Variants in G3BP1 observed in about 807,000 individuals in gnomAD.
G3BP1 encodes G3BP stress granule assembly factor 1, also known as ras GTPase-activating protein-binding protein 1.
A neutral mutation model predicts 58.6 loss-of-function variants in G3BP1; 35 were observed. The ratio of observed to expected loss-of-function variants is 0.60; its 90% confidence interval spans 0.46 to 0.79. The LOEUF (loss-of-function observed/expected upper bound fraction) is 0.79. Ranked by LOEUF, G3BP1 falls within the 30% of genes least tolerant of loss-of-function variation. The pLI is 0.00. For missense variants in G3BP1, 523 were observed against 580.8 expected (o/e 0.90, Z 1.02); for synonymous variants, 191 against 195.4 (o/e 0.98, Z 0.19).
At chr5:151,781,883 A>T (rs369192828) in intron 1 of G3BP1, among the ~76,000 whole-genome samples, 23 of 152,300 alleles carry the variant, frequency 1.5e-4, no homozygotes, top group African/African-American at 5.3e-4. Flanking sequence ...GAGTCAAGTT[A>T]TACACAGATT....
rs1019404717 is a variant in G3BP1, at chr5:151,811,674, C to T, written c.*7583C>T. The T allele has an allele frequency of 1.3e-5, 2 of 150,662 alleles. No individual in the cohort carries two copies. The highest frequency in any genetic ancestry group is 4.9e-5 in the African/African-American group (2 of 40,972). The allele number at this position is 150,662 out of a possible 1,614,324, so 9.3% of individuals were successfully genotyped here. ...AAAATAACTGCCATAACTTTTGTGA[C>T]TTCATGCAAAAAAAGGGGGGAAGAG... On this transcript the variant is annotated 3_prime_UTR_variant, in exon 12 of 12. Transcript: ENST00000356245.
intron 1 of G3BP1, among the ~76,000 whole-genome samples, chr5:151,777,780 C>T (rs1214243690): frequency 1.3e-5 from 2 of 152,150 alleles, no homozygotes; most frequent in African/African-American, 4.8e-5. Context: ...TGAACCTATC[C>T]ATTACCCCCA....
chr5:151,785,733 G>T (rs568005602), intron 1 of G3BP1, among the ~76,000 whole-genome samples: 11 of 152,226 alleles, frequency 7.2e-5, no homozygotes, highest in South Asian at 2.1e-4. Context: ...CATCTTGTTT[G>T]TTAACTTCCC....
In G3BP1 at chr5:151,809,485, T is replaced by G. The variant is rs1022673208; in HGVS notation, c.*5394T>G. On this transcript the variant is annotated 3_prime_UTR_variant, in exon 12 of 12. Coordinates refer to ENST00000356245, the MANE Select transcript of G3BP1 (RefSeq NM_005754.3). ...CTGATAGCATAGGGATCATTTGTGA[T>G]TTATATAGAAAATAATTATATTTTT... 1.3e-5 allele frequency: 2 copies of G among 152,218 alleles called. No homozygotes were observed. Among genetic ancestry groups the G allele is most frequent in the African/African-American group, 4.8e-5 (2 of 41,450 alleles). 9.4% of individuals were successfully genotyped at this position (152,218 alleles called of 1,614,324 possible).
chr5:151,800,146 T>C, intron 9 of G3BP1, 72 bp from the exon 10 acceptor site: 1 of 1,447,706 alleles, frequency 6.9e-7, no homozygotes, highest in Non-Finnish European at 9.6e-7. Context: ...GGGAAAACTA[T>C]TGAATGTGAG....
chr5:151,797,702 A>G (rs1581581736), intron 7 of G3BP1, among the ~76,000 whole-genome samples: 1 of 152,238 alleles, frequency 6.6e-6, no homozygotes, highest in East Asian at 1.9e-4. Context: ...GCACCCTATC[A>G]GTGATTCCTT....
At chr5:151,780,017 T>C (rs1025776897) in intron 1 of G3BP1, among the ~76,000 whole-genome samples, 20 of 152,226 alleles carry the variant, frequency 1.3e-4, no homozygotes, top group Non-Finnish European at 2.1e-4. Flanking sequence ...TATTAGATAG[T>C]GCAAAATTGT....
intron 1 of G3BP1, among the ~76,000 whole-genome samples, chr5:151,779,506 G>T (rs1762430908): frequency 6.6e-6 from 1 of 152,140 alleles, no homozygotes; most frequent in African/African-American, 2.4e-5. Flanking sequence ...CTGTTTCATG[G>T]ATCCATTTGT....
At position 151,812,481 on chromosome 5, in the gene G3BP1, G is replaced by A. The variant is rs1238261299; in HGVS notation, c.*8390G>A. The A allele has an allele frequency of 6.6e-6, 1 of 152,200 alleles. No individual in the cohort carries two copies. Among genetic ancestry groups the A allele is most frequent in the Non-Finnish European group, 1.5e-5 (1 of 68,040 alleles). The allele number at this position is 152,200 out of a possible 1,614,324, so 9.4% of individuals were successfully genotyped here. On this transcript the variant is annotated 3_prime_UTR_variant, in exon 12 of 12. Coordinates refer to ENST00000356245, the MANE Select transcript of G3BP1 (RefSeq NM_005754.3). ...CGAACTAGGGAACTTTAAAGACAAAGGGTGCATCTTTTGTGCAAGTATCTA... is the reference window on the plus strand; with the variant it reads ...CGAACTAGGGAACTTTAAAGACAAAAGGTGCATCTTTTGTGCAAGTATCTA...
chr5:151,791,134 C>A, intron 4 of G3BP1, 72 bp downstream of exon 4: 1 of 1,254,220 alleles, frequency 8.0e-7, no homozygotes, highest in Non-Finnish European at 1.2e-6. Flanking sequence ...TTGTGCATAT[C>A]TTTAAAAACA....
rs550311679 is a variant in G3BP1, at chr5:151,799,688, A to C, written c.844-201A>C. Among the ~76,000 whole-genome samples the C allele has an allele frequency of 6.6e-5, 10 of 152,180 alleles. No homozygotes were observed. The East Asian group carries it at 1.9e-3, about 29-fold the overall frequency. ...CGACATACTGAGACTCTGGCTCAAA[A>C]AAAAAAAACCAACCCAAATCAATGT... On this transcript the variant is annotated intron_variant, in intron 8 of 11. Coordinates refer to ENST00000356245, the MANE Select transcript of G3BP1 (RefSeq NM_005754.3).
rs1169481265 is a variant in G3BP1 at position 151,812,148 on chromosome 5, T to A, written c.*8057T>A. ...ACATTTTCTACATCCCCAAAGTATT[T>A]GGAATCACAGCATTGTAACTTGTGA... On this transcript the variant is annotated 3_prime_UTR_variant, in exon 12 of 12. Coordinates refer to ENST00000356245, the MANE Select transcript of G3BP1 (RefSeq NM_005754.3). The A allele has an allele frequency of 6.6e-6, 1 of 152,196 alleles. No homozygotes were observed. Among genetic ancestry groups the A allele is most frequent in the Non-Finnish European group, 1.5e-5 (1 of 68,022 alleles). The allele number at this position is 152,196 out of a possible 1,614,324, so 9.4% of individuals were successfully genotyped here. A position where few individuals can be genotyped will look rare whatever the true frequency, so the allele number is the denominator to read the frequency against.
intron 1 of G3BP1, among the ~76,000 whole-genome samples, chr5:151,776,629 ATTC>A (rs1762375759): frequency 6.6e-6 from 1 of 151,994 alleles, no homozygotes; most frequent in Non-Finnish European, 1.5e-5. Flanking sequence ...AGATTTGTGT[ATTC>A]TTCATGTTTT....
intron 11 of G3BP1, 58 bp downstream of exon 11, chr5:151,800,927 TTAGAA>T (rs1762839860): frequency 2.4e-6 from 2 of 823,302 alleles, no homozygotes; most frequent in Non-Finnish European, 4.1e-6. Context: ...TTTTGGTTCT[TTAGAA>T]TATATCTTTA....
At position 151,788,570 on chromosome 5, in the gene G3BP1, A is replaced by ATGTGTGTG. The variant is rs201430384; in HGVS notation, c.96-1752_96-1751insGTGTGTGT. Among the ~76,000 whole-genome samples the ATGTGTGTG allele has an allele frequency of 9.6e-3, 891 of 93,120 alleles. 21 individuals are homozygous for ATGTGTGTG. Among genetic ancestry groups the ATGTGTGTG allele is most frequent in the East Asian group, 0.058 (178 of 3,078 alleles). The allele number at this position is 93,120 out of a possible 152,430, so 61.1% of individuals were successfully genotyped here. On this transcript the variant is annotated intron_variant, in intron 2 of 11. Coordinates refer to ENST00000356245, the MANE Select transcript of G3BP1 (RefSeq NM_005754.3). ...TGCACTACCATGCCCAGCTAAGTTT[A>ATGTGTGTG]TATGTGTGTGTGTGTGTGTGTGTGT...
Position 151,786,678 on chromosome 5 carries a change from T to G in G3BP1, c.58T>G (p.Tyr20Asp). The G allele has an allele frequency of 6.2e-7, 1 of 1,612,924 alleles. No homozygotes were observed. Among genetic ancestry groups the G allele is most frequent in the Non-Finnish European group, 8.5e-7 (1 of 1,178,888 alleles). Residue 20 changes from tyrosine (Y) to aspartate (D), a missense_variant, in exon 2 of 12, where the codon TAC becomes GAC. Tyr to Asp is a radical substitution (Grantham distance 160, BLOSUM62 -3). Coordinates refer to ENST00000356245, the MANE Select transcript of G3BP1 (RefSeq NM_005754.3). ...CGGGCGGGAATTTGTGAGACAGTAT[T>G]ACACACTGCTGAACCAGGCCCCAGA... ...LVGREFVRQY[Y>D]TLLNQAPDML...
rs1762768854 is a variant in G3BP1 at position 151,797,278 on chromosome 5, T to A, written c.591T>A (p.Asp197Glu). 7 of 1,613,160 alleles carry A rather than the reference T, an allele frequency of 4.3e-6. No individual in the cohort carries two copies. The highest frequency in any genetic ancestry group is 1.3e-5 in the African/African-American group (1 of 74,860). Residue 197 changes from aspartate (D) to glutamate (E), a missense_variant, in exon 7 of 12, where the codon GAT becomes GAA. Around this residue, in one of 2 missense-constraint regions of G3BP1, gnomAD observed 398 missense variants for 399.1 expected, o/e 1.00. Transcript: ENST00000356245. ...AGCCTGTTGCTGAACCAGAGCCTGATCCTGAACCAGAACCAGAACAAGAAC... is the reference window on the plus strand; with the variant it reads ...AGCCTGTTGCTGAACCAGAGCCTGAACCTGAACCAGAACCAGAACAAGAAC... The part of the protein sequence containing the change: ...LEEPVAEPEP[D>E]PEPEPEQEPV...
In G3BP1 at chr5:151,804,589, G is replaced by C. The variant is rs1762912063; in HGVS notation, c.*498G>C. 6.6e-6 allele frequency: 1 copy of C among 152,612 alleles called. No individual in the cohort carries two copies. The highest frequency in any genetic ancestry group is 2.4e-5 in the African/African-American group (1 of 41,436). The allele number at this position is 152,612 out of a possible 1,614,324, so 9.5% of individuals were successfully genotyped here. On this transcript the variant is annotated 3_prime_UTR_variant, in exon 12 of 12. Coordinates refer to ENST00000356245, the MANE Select transcript of G3BP1 (RefSeq NM_005754.3). ...AGTCATGACTACCTTCTGGTGTGGAGAAATTGCCATTGGAAAATTTGACAA... is the reference window on the plus strand; with the variant it reads ...AGTCATGACTACCTTCTGGTGTGGACAAATTGCCATTGGAAAATTTGACAA...
intron 4 of G3BP1, among the ~76,000 whole-genome samples, chr5:151,792,418 T>A (rs1213086327): frequency 6.6e-6 from 1 of 152,224 alleles, no homozygotes; most frequent in Non-Finnish European, 1.5e-5. Flanking sequence ...GAGGAAGGCT[T>A]AGATTAAAAT....
Sources: gnomAD v4.1 joint callset for allele counts (sites outside exome capture counted in the v4.1 genomes callset) on GRCh38, gnomAD v4.1.1 for gene constraint, gnomAD v4.1.1 regional missense constraint, MANE v1.5 for transcripts, NCBI Gene and HGNC (gene_info 2026-07-23, HGNC 2026-07-21) for gene names.